Variants in DNAH5 observed in about 807,000 individuals in gnomAD.
DNAH5 encodes the protein axonemal beta dynein heavy chain 5.
In DNAH5, 372 loss-of-function variants were observed where a neutral mutation model predicts 518.2. That is an observed-to-expected ratio of 0.72 (90% CI 0.66 to 0.78). The LOEUF (loss-of-function observed/expected upper bound fraction) is 0.78. Ranked by LOEUF, DNAH5 falls within the 30% of genes least tolerant of loss-of-function variation. The probability of loss-of-function intolerance (pLI) is 0.00; values close to 1 mark genes in which losing one functional copy is unlikely to be tolerated. For missense variants in DNAH5, 5,523 were observed against 5,687.0 expected (o/e 0.97, Z 0.93); for synonymous variants, 2,039 against 2,025.9 (o/e 1.01, Z -0.17).
intron 66 of DNAH5, 80 bp from the exon 67 acceptor site, chr5:13,736,012 T>G: frequency 8.5e-7 from 1 of 1,176,102 alleles, no homozygotes; most frequent in Non-Finnish European, 1.3e-6. Flanking sequence ...GCCTAAACTC[T>G]AAATGAAAAC....
intron 47 of DNAH5, among the ~76,000 whole-genome samples, chr5:13,799,629 G>C (rs1758428670): frequency 2.0e-5 from 3 of 152,312 alleles, no homozygotes; most frequent in South Asian, 4.1e-4. Context: ...AGATTCAATA[G>C]TTACCTGAGT....
intron 65 of DNAH5, among the ~76,000 whole-genome samples, chr5:13,747,285 T>C (rs1749519626): frequency 6.6e-6 from 1 of 152,224 alleles, no homozygotes; most frequent in South Asian, 2.1e-4. Context: ...ATCCAGTCTA[T>C]CATTGTTGGA....
chr5:13,817,647 TA>T lies in DNAH5; in HGVS notation c.6888del (p.Thr2297LeufsTer29). 1 of 1,614,214 alleles carries T rather than the reference TA, an allele frequency of 6.2e-7. No individual in the cohort carries two copies. Among genetic ancestry groups the T allele is most frequent in the Non-Finnish European group, 8.5e-7 (1 of 1,180,032 alleles). ...AGCCGACCAAACATCTGTGGGGCAG[TA>T]ATCGCTTTGGGATTCATCCTCATTT... ...HREMRMNPKA[I>X]TAPQMFGRLD... is the part of the protein sequence containing the mutation. On this transcript the variant is annotated frameshift_variant, in exon 42 of 79. Coordinates refer to ENST00000265104, the MANE Select transcript of DNAH5 (RefSeq NM_001369.3). LOFTEE classifies it high-confidence loss of function.
At chr5:13,811,011 C>T (rs12055094) in intron 44 of DNAH5, among the ~76,000 whole-genome samples, 30,399 of 151,948 alleles carry the variant, frequency 0.2, 3,301 homozygotes, top group East Asian at 0.54. Context: ...TCTCATGCAT[C>T]TGTGGGAGCT....
At chr5:13,746,995 C>A (rs935052742) in intron 65 of DNAH5, among the ~76,000 whole-genome samples, 2 of 151,994 alleles carry the variant, frequency 1.3e-5, no homozygotes, top group Non-Finnish European at 2.9e-5. Context: ...CCCATTAACT[C>A]GTCATTTACA....
At chr5:13,876,435 G>T (rs1770896249) in intron 22 of DNAH5, among the ~76,000 whole-genome samples, 1 of 152,134 alleles carries the variant, frequency 6.6e-6, no homozygotes, top group Non-Finnish European at 1.5e-5. Flanking sequence ...AGATTCATTT[G>T]TATTAAAAGA....
At chr5:13,844,026 C>T (rs903668169) in intron 32 of DNAH5, among the ~76,000 whole-genome samples, 11 of 131,054 alleles carry the variant, frequency 8.4e-5, no homozygotes, top group African/African-American at 2.5e-4. Context: ...AGGAGCTTGA[C>T]CTTAACAAGT....
chr5:13,703,915 A>C (rs1371569176), intron 76 of DNAH5, among the ~76,000 whole-genome samples: 1 of 152,164 alleles, frequency 6.6e-6, no homozygotes, highest in Admixed American at 6.5e-5. Flanking sequence ...TGAAAGTGGC[A>C]TGGGTCACTT....
chr5:13,762,552 C>G (rs1032346934), intron 60 of DNAH5, among the ~76,000 whole-genome samples, 170 bp downstream of exon 60: 1 of 152,100 alleles, frequency 6.6e-6, no homozygotes, highest in African/African-American at 2.4e-5. Flanking sequence ...AACAGGATTA[C>G]AAAGAAGAAA....
upstream of DNAH5, among the ~76,000 whole-genome samples, chr5:13,948,938 A>C (rs1352287215): frequency 6.6e-6 from 1 of 152,198 alleles, no homozygotes; most frequent in African/African-American, 2.4e-5. Context: ...GTCTCTGTCC[A>C]ATATATTGCT....
chr5:13,846,313 GT>G (rs753933936), intron 31 of DNAH5, among the ~76,000 whole-genome samples: 12 of 152,074 alleles, frequency 7.9e-5, no homozygotes, highest in Non-Finnish European at 1.3e-4. Flanking sequence ...AGACCCCAGT[GT>G]TTGTTGTTCA....
chr5:13,896,393 C>A (rs1046570112), intron 15 of DNAH5, among the ~76,000 whole-genome samples: 3 of 151,984 alleles, frequency 2.0e-5, no homozygotes, highest in Admixed American at 6.5e-5. Context: ...GGCCTTTGCA[C>A]CTCCTTCAAA....
rs1354231534 is a variant in DNAH5 at position 13,829,634 on chromosome 5, A to G, written c.6320T>C (p.Met2107Thr). The change falls in exon 38 of 79, where the codon ATG (methionine) becomes ACG (threonine). Residue 2107 changes from methionine (M) to threonine (T), a missense_variant. Physicochemically the swap from Met to Thr is moderately conservative, Grantham distance 81. Coordinates refer to ENST00000265104, the MANE Select transcript of DNAH5 (RefSeq NM_001369.3). ...LKINFRSVAM[M>T]VPDRQIIIRV... is the part of the protein sequence containing the mutation. The stretch of plus-strand genomic sequence containing the variant: ...TATGATAATCTGACGGTCAGGCACC[A>G]TCATGGCCACTGAGCGGAAATTAAT... 1 of 1,614,214 alleles carries G rather than the reference A, an allele frequency of 6.2e-7. No homozygotes were observed. Among genetic ancestry groups the G allele is most frequent in the Non-Finnish European group, 8.5e-7 (1 of 1,180,030 alleles).
chr5:13,849,039 A>G (rs145864057), intron 31 of DNAH5, among the ~76,000 whole-genome samples: 3 of 152,328 alleles, frequency 2.0e-5, no homozygotes, highest in African/African-American at 7.2e-5. Flanking sequence ...ACAACCATGT[A>G]CGCATGGTTT....
chr5:13,693,024 T>C (rs986244937), intron 78 of DNAH5, among the ~76,000 whole-genome samples: 2 of 152,168 alleles, frequency 1.3e-5, no homozygotes, highest in African/African-American at 4.8e-5. Flanking sequence ...TAGCTTCTTA[T>C]GAAACCCACT....
rs1279883936 is a variant in DNAH5, at chr5:13,809,054, T to C, written c.7742A>G (p.Lys2581Arg). 3.7e-6 allele frequency: 6 copies of C among 1,614,184 alleles called. No individual in the cohort carries two copies. The East Asian group carries it at 1.3e-4, about 36-fold the overall frequency. ...RTDFLIQTIAKQGKAVLLIGE... is the reference protein window; with the variant it reads ...RTDFLIQTIARQGKAVLLIGE... Reference sequence around the variant, plus strand: ...AATTAAAAGTCATACCTTGCCCTGTTTAGCAATGGTTTGAATTAGAAAGTC... The same window carrying C: ...AATTAAAAGTCATACCTTGCCCTGTCTAGCAATGGTTTGAATTAGAAAGTC... Residue 2581 changes from lysine to arginine, a missense_variant, in exon 46 of 79, where the codon AAA becomes AGA. By Grantham distance (26) the Lys-to-Arg change is conservative. This residue lies in a region of DNAH5 where 5,121 missense variants were observed against 5,223.3 expected (regional missense o/e 0.98). Transcript: ENST00000265104.
chr5:13,830,203 CTG>C lies in DNAH5; in HGVS notation c.6070_6071del (p.Gln2024ValfsTer8). 4 of 1,613,870 alleles carry C rather than the reference CTG, an allele frequency of 2.5e-6. No homozygotes were observed. Among genetic ancestry groups the C allele is most frequent in the Non-Finnish European group, 3.4e-6 (4 of 1,179,854 alleles). On this transcript the variant is annotated frameshift_variant, in exon 37 of 79. Coordinates refer to ENST00000265104, the MANE Select transcript of DNAH5 (RefSeq NM_001369.3). LOFTEE classifies it high-confidence loss of function. ...CATCAAAACAACCCCAGGATCCAGA[CTG>C]TGCCAGTCCTTCGAAAGGAAATTAA... Reference protein sequence around the residue: ...GLGRIFKGLAQSGSWGCFDEF... With the variant: ...GLGRIFKGLAXSGSWGCFDEF...
At chr5:13,736,675 C>T (rs1747508142) in intron 66 of DNAH5, among the ~76,000 whole-genome samples, 1 of 152,160 alleles carries the variant, frequency 6.6e-6, no homozygotes, top group South Asian at 2.1e-4. Flanking sequence ...GATCTGCCCA[C>T]CTCAGCCTCC....
intron 11 of DNAH5, among the ~76,000 whole-genome samples, chr5:13,913,016 T>TA (rs2151979821): frequency 6.6e-6 from 1 of 151,984 alleles, no homozygotes; most frequent in East Asian, 1.9e-4. Flanking sequence ...GCTAAATTGT[T>TA]AGAGTACAAA....
Sources: gnomAD v4.1 joint callset for allele counts (sites outside exome capture counted in the v4.1 genomes callset) on GRCh38, gnomAD v4.1.1 for gene constraint, gnomAD v4.1.1 regional missense constraint, MANE v1.5 for transcripts, NCBI Gene and HGNC (gene_info 2026-07-23, HGNC 2026-07-21) for gene names.